STXBP5: variants seen among roughly 807,000 people sequenced by gnomAD.
The protein encoded by STXBP5 is syntaxin binding protein 5, also known as syntaxin-binding protein 5.
STXBP5 carries 50 observed loss-of-function variants against 152.4 expected under a neutral mutation model. The ratio of observed to expected loss-of-function variants is 0.33; its 90% CI spans 0.26 to 0.42. STXBP5 has a LOEUF of 0.42. STXBP5 is among the 10% of genes least tolerant of loss of function. The pLI, the probability that STXBP5 is intolerant of heterozygous loss-of-function variation, is 1.00. For synonymous variants in STXBP5, 492 were observed against 494.7 expected (o/e 0.99, Z 0.07); for missense variants, 1,167 against 1,388.6 (o/e 0.84, Z 2.54).
intron 26 of STXBP5, among the ~76,000 whole-genome samples, chr6:147,374,927 CAGCTCAGCTT>C (rs1376943244): frequency 6.6e-6 from 1 of 152,158 alleles, no homozygotes; most frequent in African/African-American, 2.4e-5. Flanking sequence ...TCACAACTTT[CAGCTCAGCTT>C]CAAATATCTG....
chr6:147,344,497 G>T lies in STXBP5; in HGVS notation c.2254+5113G>T, dbSNP rs188411496. Among the ~76,000 whole-genome samples, 109 of 152,328 alleles carry T rather than the reference G, an allele frequency of 7.2e-4. 2 individuals are homozygous for T. Among genetic ancestry groups the T allele is most frequent in the African/African-American group, 2.6e-3 (107 of 41,582 alleles). On this transcript the variant is annotated intron_variant, in intron 21 of 27. Transcript: ENST00000321680. ...CTGGGAGGCTTAAACAATTCGGGAG[G>T]TTAGAAGTCCAAGATCAAGGTGTCA...
chr6:147,343,706 A>G (rs2128400348), intron 21 of STXBP5, among the ~76,000 whole-genome samples: 2 of 152,356 alleles, frequency 1.3e-5, no homozygotes, highest in South Asian at 2.1e-4. Flanking sequence ...ATAAATTCAC[A>G]AAGGTTCATT....
chr6:147,234,985 A>G (rs1228320758), intron 2 of STXBP5, among the ~76,000 whole-genome samples: 2 of 152,022 alleles, frequency 1.3e-5, no homozygotes, highest in African/African-American at 2.4e-5. Flanking sequence ...TGTATTACCT[A>G]TATATTATCT....
chr6:147,362,511 A>G (rs1785111703), intron 23 of STXBP5, among the ~76,000 whole-genome samples: 1 of 152,202 alleles, frequency 6.6e-6, no homozygotes, highest in Admixed American at 6.5e-5. Context: ...TAACCCCTAC[A>G]TTAAGATGAT....
At chr6:147,328,640 A>G (rs1759834056) in intron 18 of STXBP5, 2 of 459,164 alleles carry the variant, frequency 4.4e-6, no homozygotes, top group Non-Finnish European at 4.5e-6. Context: ...TGTCCCAACC[A>G]TACCATTCTA....
chr6:147,235,289 C>A lies in STXBP5; in HGVS notation c.288C>A (p.Asp96Glu), dbSNP rs772830103. ...GAGTAGAATGTTATTGCCAGCATGA[C>A]AGTGGAGCTGCAGTAATCCAGCTCC... ...RPGVECYCQH[D>E]SGAAVIQLQF... Residue 96 changes from aspartate to glutamate, a missense_variant, in exon 3 of 28, where the codon GAC (aspartate) becomes GAA (glutamate). Physicochemically the swap from Asp to Glu is conservative, Grantham distance 45. Around this residue, in one of 3 missense-constraint regions of STXBP5, gnomAD observed 310 missense variants for 346.1 expected, o/e 0.90. Coordinates refer to ENST00000321680, the MANE Select transcript of STXBP5 (RefSeq NM_001127715.4). The A allele has an allele frequency of 2.9e-5, 47 of 1,613,256 alleles. No individual in the cohort carries two copies. The highest frequency in any genetic ancestry group is 3.6e-5 in the Non-Finnish European group (42 of 1,179,510).
chr6:147,311,928 G>A (rs924652858), intron 11 of STXBP5, among the ~76,000 whole-genome samples: 1 of 152,114 alleles, frequency 6.6e-6, no homozygotes, highest in African/African-American at 2.4e-5. Context: ...TTTACACACA[G>A]TTCCAATCTT....
chr6:147,377,756 G>A (rs1370745834), intron 26 of STXBP5, among the ~76,000 whole-genome samples: 1 of 152,060 alleles, frequency 6.6e-6, no homozygotes, highest in East Asian at 1.9e-4. Flanking sequence ...TTACATTAGG[G>A]AAGGATTAGA....
chr6:147,366,277 A>G (rs971667493), intron 25 of STXBP5, among the ~76,000 whole-genome samples: 2 of 152,236 alleles, frequency 1.3e-5, no homozygotes, highest in African/African-American at 4.8e-5. Context: ...TCTGAAAGGA[A>G]TAGAGGATTT....
intron 21 of STXBP5, among the ~76,000 whole-genome samples, chr6:147,340,968 T>C (rs1218887923): frequency 6.6e-6 from 1 of 152,178 alleles, no homozygotes; most frequent in Non-Finnish European, 1.5e-5. Flanking sequence ...AAGCATGTTA[T>C]GTTAACTTCA....
chr6:147,320,169 A>ATAATTT (rs1782849548), intron 16 of STXBP5, among the ~76,000 whole-genome samples: 1 of 152,142 alleles, frequency 6.6e-6, no homozygotes, highest in African/African-American at 2.4e-5. Flanking sequence ...AAGAAATAAA[A>ATAATTT]TAATTTCAGA....
At chr6:147,318,091 G>A (rs538946033) in intron 16 of STXBP5, among the ~76,000 whole-genome samples, 1 of 152,218 alleles carries the variant, frequency 6.6e-6, no homozygotes, top group South Asian at 2.1e-4. Flanking sequence ...AATTTCTGAT[G>A]CCTCCAAGTT....
chr6:147,290,353 T>C (rs1781217203), intron 8 of STXBP5, among the ~76,000 whole-genome samples: 1 of 151,500 alleles, frequency 6.6e-6, no homozygotes, highest in East Asian at 1.9e-4. Flanking sequence ...GGGTAAGAGG[T>C]GTTAGGTTAG....
intron 18 of STXBP5, among the ~76,000 whole-genome samples, chr6:147,332,217 T>C (rs527646066): frequency 3.9e-5 from 6 of 152,298 alleles, no homozygotes; most frequent in African/African-American, 1.2e-4. Context: ...ATACTGAGGC[T>C]TCCATGTGCT....
chr6:147,348,435 G>C (rs192162570), intron 21 of STXBP5, among the ~76,000 whole-genome samples: 1 of 150,884 alleles, frequency 6.6e-6, no homozygotes, highest in Non-Finnish European at 1.5e-5. Flanking sequence ...GTAGATAAGC[G>C]ATAACTAGTT....
At chr6:147,217,595 A>G (rs1014762804) in intron 2 of STXBP5, among the ~76,000 whole-genome samples, 3 of 152,208 alleles carry the variant, frequency 2.0e-5, no homozygotes, top group Admixed American at 6.5e-5. Context: ...ATTAAGAATG[A>G]TTGTTTTCAA....
chr6:147,350,254 T>G (rs1784529162), intron 21 of STXBP5, among the ~76,000 whole-genome samples: 1 of 152,076 alleles, frequency 6.6e-6, no homozygotes, highest in East Asian at 1.9e-4. Flanking sequence ...AAACTTTTAT[T>G]CTATGGGAGA....
intron 4 of STXBP5, among the ~76,000 whole-genome samples, chr6:147,243,345 T>C (rs907580630): frequency 1.3e-5 from 2 of 152,208 alleles, no homozygotes; most frequent in East Asian, 1.9e-4. Context: ...ACACATGATA[T>C]GGGTTATCTT....
chr6:147,356,277 T>A (rs1414257919), intron 22 of STXBP5, among the ~76,000 whole-genome samples: 1 of 152,066 alleles, frequency 6.6e-6, no homozygotes, highest in Non-Finnish European at 1.5e-5. Context: ...TAATTTACAA[T>A]GAAATCTATA....
Sources: gnomAD v4.1 joint callset for allele counts (sites outside exome capture counted in the v4.1 genomes callset) on GRCh38, gnomAD v4.1.1 for gene constraint, gnomAD v4.1.1 regional missense constraint, MANE v1.5 for transcripts, NCBI Gene and HGNC (gene_info 2026-07-23, HGNC 2026-07-21) for gene names.